The following SERPINB8 variants were observed in gnomAD, a reference collection of about 807,000 sequenced individuals.
SERPINB8 encodes serpin B8.
In SERPINB8, 25 loss-of-function variants were observed where a neutral mutation model predicts 35.3. The observed-to-expected ratio is 0.71, with a 90% CI of 0.52 to 0.99. The LOEUF is 0.99. Among genes scored for constraint, SERPINB8 ranks in the 50% least tolerant of loss-of-function variants. The pLI, the probability that SERPINB8 is intolerant of heterozygous loss-of-function variation, is 0.00. For synonymous variants in SERPINB8, 186 were observed against 160.8 expected, an observed-to-expected ratio of 1.16 and a Z score of -1.19; for missense variants, 484 against 446.5, an observed-to-expected ratio of 1.08 and a Z score of -0.76.
chr18:63,976,431 C>T (rs1038028358), intron 1 of SERPINB8, among the ~76,000 whole-genome samples: 2 of 152,152 alleles, frequency 1.3e-5, no homozygotes, highest in African/African-American at 4.8e-5. Flanking sequence ...AGATTAGGCT[C>T]CTACCTTCCA....
At chr18:64,003,043 C>T (rs2050883627) in intron 1 of SERPINB8, among the ~76,000 whole-genome samples, 1 of 152,208 alleles carries the variant, frequency 6.6e-6, no homozygotes. Flanking sequence ...CCTCTCCTCG[C>T]ATTCTCTTCT....
chr18:63,982,450 G>GTATGACTTTATACTAAAGT (rs2050687264), intron 4 of SERPINB8, among the ~76,000 whole-genome samples: 1 of 152,132 alleles, frequency 6.6e-6, no homozygotes, highest in African/African-American at 2.4e-5. Context: ...ATACTTTAAA[G>GTATGACTTTATACTAAAGT]CATCCTAAAT....
intron 7 of SERPINB8, among the ~76,000 whole-genome samples, chr18:64,016,203 G>T (rs1489745507): frequency 6.6e-6 from 1 of 152,200 alleles, no homozygotes; most frequent in African/African-American, 2.4e-5. Flanking sequence ...CTTCATCTGG[G>T]AAAGGCTTTG....
chr18:64,011,475 A>G (rs1329996252), intron 7 of SERPINB8, among the ~76,000 whole-genome samples: 1 of 152,186 alleles, frequency 6.6e-6, no homozygotes, highest in Non-Finnish European at 1.5e-5. Flanking sequence ...TGAATATTCC[A>G]CTGTGCTTAA....
intron 1 of SERPINB8, among the ~76,000 whole-genome samples, chr18:63,997,767 C>T (rs1196464379): frequency 2.0e-5 from 3 of 152,220 alleles, no homozygotes; most frequent in African/African-American, 7.2e-5. Context: ...ACACATCCCT[C>T]TCTTGGGATG....
intron 1 of SERPINB8, among the ~76,000 whole-genome samples, chr18:63,976,870 G>C (rs1486336706): frequency 6.6e-6 from 1 of 151,892 alleles, no homozygotes; most frequent in African/African-American, 2.4e-5. Flanking sequence ...AACTCTTGGG[G>C]AAAATGGGGC....
intron 7 of SERPINB8, among the ~76,000 whole-genome samples, chr18:64,018,103 C>T (rs1385652646): frequency 1.3e-5 from 2 of 152,170 alleles, no homozygotes; most frequent in Admixed American, 6.5e-5. Flanking sequence ...CTTTCCTTCT[C>T]ATATATTCTA....
At chr18:64,004,932 A>G in exon 2 of SERPINB8, 1 of 398,342 alleles carries the variant, frequency 2.5e-6, no homozygotes, top group East Asian at 3.6e-5. Flanking sequence ...TCTACCAAAT[A>G]ATTGGCTGAA....
Position 63,979,735 on chromosome 18 carries a change from T to C in SERPINB8, c.169-66T>C. ...TGGTTTTTTTAGTACAGAGGTTTGT[T>C]TGGAGAAAGCTCTTTGGGAGAGTAT... On this transcript the variant is annotated intron_variant, in intron 2 of 6. Transcript: ENST00000397985. 3 of 1,589,956 alleles carry C rather than the reference T, an allele frequency of 1.9e-6. No homozygotes were observed. In the South Asian group the frequency reaches 3.4e-5, roughly 18 times the overall value.
chr18:63,989,966 AAAAC>A (rs1568280981), downstream of SERPINB8, among the ~76,000 whole-genome samples: 1 of 144,964 alleles, frequency 6.9e-6, no homozygotes, highest in East Asian at 1.9e-4. Flanking sequence ...AAAAAAAAAA[AAAAC>A]CAAAATGTGC....
intron 5 of SERPINB8, among the ~76,000 whole-genome samples, chr18:63,984,353 G>T (rs1409368204): frequency 2.0e-5 from 3 of 152,054 alleles, no homozygotes; most frequent in Non-Finnish European, 4.4e-5. Context: ...TCTGTATTTA[G>T]TTAGATACCT....
intron 3 of SERPINB8, among the ~76,000 whole-genome samples, chr18:63,981,329 C>T (rs973892320): frequency 2.6e-5 from 4 of 152,214 alleles, no homozygotes; most frequent in Non-Finnish European, 4.4e-5. Flanking sequence ...ACCAAAACCA[C>T]AATACTGTAG....
intron 1 of SERPINB8, among the ~76,000 whole-genome samples, chr18:63,976,528 T>C (rs1295495085): frequency 6.6e-6 from 1 of 152,208 alleles, no homozygotes; most frequent in Non-Finnish European, 1.5e-5. Flanking sequence ...TGTCCTGGGA[T>C]GTAAAACTAG....
intron 1 of SERPINB8, among the ~76,000 whole-genome samples, chr18:63,995,883 C>T (rs949102290): frequency 6.6e-6 from 1 of 152,096 alleles, no homozygotes; most frequent in Non-Finnish European, 1.5e-5. Context: ...ATCTCCCTGA[C>T]CAGCTAAAAT....
At position 63,985,215 on chromosome 18, in the gene SERPINB8, G is replaced by A; in HGVS notation, c.690G>A (p.Leu230=). The A allele has an allele frequency of 1.2e-6, 2 of 1,614,198 alleles. No homozygotes were observed. The highest frequency in any genetic ancestry group is 1.7e-6 in the Non-Finnish European group (2 of 1,180,040). The change falls in exon 6 of 7, where the codon CTG becomes CTA. Residue 230 remains leucine (L), a synonymous_variant. Coordinates refer to ENST00000397985, the MANE Select transcript of SERPINB8 (RefSeq NM_002640.4). ...AAGAGGAGCTGAGCATGGTCATTCT[G>A]CTTCCCGATGACAACACGGACCTCG... ...YVEEELSMVI[L]LPDDNTDLAV... is the part of the protein sequence containing the mutation.
intron 2 of SERPINB8, among the ~76,000 whole-genome samples, chr18:63,979,395 A>C (rs775603778): frequency 1.3e-5 from 2 of 152,098 alleles, no homozygotes; most frequent in African/African-American, 2.4e-5. Flanking sequence ...CTTCCCCCTG[A>C]ATTATCGCAC....
chr18:64,009,399 AAAGATC>A (rs1349126205), downstream of SERPINB8, among the ~76,000 whole-genome samples: 1 of 152,268 alleles, frequency 6.6e-6, no homozygotes, highest in African/African-American at 2.4e-5. Flanking sequence ...TTCTAAAGAA[AAAGATC>A]AAGTTGAGAA....
At chr18:63,976,067 C>T (rs943685595) in intron 1 of SERPINB8, among the ~76,000 whole-genome samples, 3 of 152,122 alleles carry the variant, frequency 2.0e-5, no homozygotes, top group African/African-American at 7.2e-5. Context: ...TCATTTTGCT[C>T]ATTTGCTAAT....
In SERPINB8 at chr18:64,012,236, A is replaced by G. The variant is rs143098354; in HGVS notation, c.*3-6674A>G. On this transcript the variant is annotated intron_variant, in intron 7 of 7. Coordinates refer to the SERPINB8 transcript ENST00000636430. ...TTCAAGTGGATGAAAATGTGGCATC[A>G]TAATTCAATTGCCAGAGCTTTTATT... 7.3e-3 allele frequency among the ~76,000 whole-genome samples: 1,112 copies of G among 152,344 alleles called. 16 individuals are homozygous for G. The highest frequency in any genetic ancestry group is 0.025 in the African/African-American group (1,028 of 41,584).
Sources: gnomAD v4.1 joint callset for allele counts (sites outside exome capture counted in the v4.1 genomes callset) on GRCh38, gnomAD v4.1.1 for gene constraint, MANE v1.5 for transcripts, NCBI Gene and HGNC (gene_info 2026-07-23, HGNC 2026-07-21) for gene names.